TAPT1: variants seen among roughly 807,000 people sequenced by gnomAD.
TAPT1 encodes transmembrane anterior posterior transformation 1, also known as transmembrane anterior posterior transformation protein 1 homolog.
Under a neutral mutation model 65.6 loss-of-function variants are expected in TAPT1, and 28 were observed. The observed-to-expected ratio is 0.43, with a 90% CI of 0.32 to 0.59. The LOEUF is 0.59. Among genes scored for constraint, TAPT1 ranks in the 20% least tolerant of loss-of-function variants. The pLI is 0.09. For synonymous variants in TAPT1, 278 were observed against 245.2 expected, an observed-to-expected ratio of 1.13 and a Z score of -1.25; for missense variants, 563 against 679.9, an observed-to-expected ratio of 0.83 and a Z score of 1.91.
At chr4:16,190,877 T>C (rs1749334196) in intron 4 of TAPT1, 1 of 155,388 alleles carries the variant, frequency 6.4e-6, no homozygotes, top group Admixed American at 6.5e-5. Flanking sequence ...TATGTAAAGA[T>C]CTGAATTTAA....
chr4:16,186,895 G>GA lies in TAPT1; in HGVS notation c.749-18dup, dbSNP rs755358941. 7.9e-6 allele frequency: 12 copies of GA among 1,514,596 alleles called. No homozygotes were observed. The East Asian group carries it at 2.7e-4, about 34-fold the overall frequency. 93.8% of individuals were successfully genotyped at this position (1,514,596 alleles called of 1,614,324 possible). ...CATGCAAAACTAATAGAAGGTCAAG[G>GA]AAAAAACTTAAATTTGCTTTCATAT... On this transcript the variant is annotated splice_polypyrimidine_tract_variant and intron_variant, in intron 5 of 13. Coordinates refer to ENST00000405303, the MANE Select transcript of TAPT1 (RefSeq NM_153365.3).
chr4:16,201,632 C>T (rs755480067), intron 3 of TAPT1, among the ~76,000 whole-genome samples: 1 of 152,130 alleles, frequency 6.6e-6, no homozygotes, highest in Non-Finnish European at 1.5e-5. Flanking sequence ...AACCTCAAGA[C>T]CAATAAAGCA....
intron 4 of TAPT1, among the ~76,000 whole-genome samples, chr4:16,189,888 A>C (rs908521815): frequency 1.3e-5 from 2 of 152,194 alleles, no homozygotes; most frequent in Admixed American, 1.3e-4. Context: ...TGGAAAGCCT[A>C]CGAAGGAGAG....
intron 7 of TAPT1, among the ~76,000 whole-genome samples, chr4:16,184,388 G>A (rs1174910838): frequency 6.6e-6 from 1 of 152,094 alleles, no homozygotes; most frequent in African/African-American, 2.4e-5. Context: ...CTATGGTATG[G>A]ATATACAGTT....
At chr4:16,192,075 T>A (rs1749410281) in intron 3 of TAPT1, among the ~76,000 whole-genome samples, 1 of 152,214 alleles carries the variant, frequency 6.6e-6, no homozygotes, top group Non-Finnish European at 1.5e-5. Flanking sequence ...TTATGAGCCA[T>A]GATGCAATCT....
intron 1 of TAPT1, among the ~76,000 whole-genome samples, chr4:16,216,824 AG>A (rs1167212660): frequency 6.6e-6 from 1 of 152,140 alleles, no homozygotes; most frequent in Non-Finnish European, 1.5e-5. Flanking sequence ...CCTGGCAGCC[AG>A]TCAGCAGCTC....
Position 16,188,328 on chromosome 4 carries a change from C to A in TAPT1, c.640G>T (p.Gly214Ter). Residue 214 changes from glycine (G) to a stop codon, truncating the protein, a stop_gained, in exon 5 of 14, where the codon GGA becomes TGA. Coordinates refer to ENST00000405303, the MANE Select transcript of TAPT1 (RefSeq NM_153365.3). LOFTEE classifies it high-confidence loss of function. ...TAGAGAGCATCTAATATGTCTTGTC[C>A]AAAAGATGAAAACAGACGATCAGCT... ...EVADRLFSSFGQDILDALYWT... is the reference protein window; with the variant it reads ...EVADRLFSSF 1 of 1,593,144 alleles carries A rather than the reference C, an allele frequency of 6.3e-7. No homozygotes were observed.
intron 7 of TAPT1, among the ~76,000 whole-genome samples, chr4:16,182,353 T>C (rs1332768721): frequency 6.6e-6 from 1 of 152,212 alleles, no homozygotes; most frequent in East Asian, 1.9e-4. Context: ...GGGTTCGGAT[T>C]AGAACTGAAC....
At chr4:16,223,285 T>C (rs1336636657) in intron 1 of TAPT1, among the ~76,000 whole-genome samples, 1 of 152,206 alleles carries the variant, frequency 6.6e-6, no homozygotes, top group African/African-American at 2.4e-5. Context: ...CTCTCCTACC[T>C]AGGACTTCTG....
chr4:16,169,690 G>T (rs113997044), intron 12 of TAPT1, among the ~76,000 whole-genome samples: 2,226 of 152,332 alleles, frequency 0.015, 63 homozygotes, highest in African/African-American at 0.051. Context: ...TGGGAAGCAG[G>T]CTCACGACTC....
chr4:16,206,149 C>T (rs778547475), intron 2 of TAPT1, among the ~76,000 whole-genome samples: 8 of 152,172 alleles, frequency 5.3e-5, no homozygotes, highest in Non-Finnish European at 1.0e-4. Flanking sequence ...AAAATTCATG[C>T]CCCAGAAAGT....
chr4:16,170,286 G>GTGCTGAAC (rs1747907665), intron 12 of TAPT1, among the ~76,000 whole-genome samples: 1 of 152,186 alleles, frequency 6.6e-6, no homozygotes, highest in Non-Finnish European at 1.5e-5. Context: ...TGCCTACAGT[G>GTGCTGAAC]TGCTGAACAA....
At chr4:16,224,859 T>C (rs189758394) in intron 1 of TAPT1, among the ~76,000 whole-genome samples, 3 of 152,278 alleles carry the variant, frequency 2.0e-5, no homozygotes, top group Admixed American at 6.5e-5. Context: ...CTTCATTTCC[T>C]CTCCACGCAA....
In TAPT1 at chr4:16,206,073, T is replaced by A. The variant is rs75743718; in HGVS notation, c.331-3493A>T. ...ATAAGAAAACTATAAATGACTGACT[T>A]TGAAAGCAATTACTGCAGATTCAAG... On this transcript the variant is annotated intron_variant, in intron 2 of 13. Coordinates refer to ENST00000405303, the MANE Select transcript of TAPT1 (RefSeq NM_153365.3). Among the ~76,000 whole-genome samples, 60 of 152,312 alleles carry A rather than the reference T, an allele frequency of 3.9e-4. No individual in the cohort carries two copies. In the East Asian group the frequency reaches 0.011, roughly 28 times the overall value.
chr4:16,183,936 C>T (rs1222875748), intron 7 of TAPT1, among the ~76,000 whole-genome samples: 1 of 152,176 alleles, frequency 6.6e-6, no homozygotes, highest in Admixed American at 6.6e-5. Flanking sequence ...GCTTTATGTT[C>T]AAGTTTTCCA....
chr4:16,191,526 G>A lies in TAPT1; in HGVS notation c.450-3C>T, dbSNP rs754827234. Reference sequence around the variant, plus strand: ...CAGGCTGAAGCAAACGTCTGTCCCTGAAACATACAAGAAGTAATAAAAATA... The same window carrying A: ...CAGGCTGAAGCAAACGTCTGTCCCTAAAACATACAAGAAGTAATAAAAATA... On this transcript the variant is annotated splice_polypyrimidine_tract_variant and splice_region_variant and intron_variant, in intron 3 of 13. Coordinates refer to ENST00000405303, the MANE Select transcript of TAPT1 (RefSeq NM_153365.3). The A allele has an allele frequency of 9.0e-6, 14 of 1,553,350 alleles. No homozygotes were observed. Among genetic ancestry groups the A allele is most frequent in the Middle Eastern group, 1.7e-4 (1 of 6,002 alleles).
chr4:16,189,033 T>C (rs981872349), intron 4 of TAPT1, among the ~76,000 whole-genome samples: 2 of 152,212 alleles, frequency 1.3e-5, no homozygotes, highest in African/African-American at 4.8e-5. Flanking sequence ...TTTGACCTAC[T>C]CATATCTAAT....
At chr4:16,187,489 T>A (rs952363223) in intron 5 of TAPT1, among the ~76,000 whole-genome samples, 2 of 152,142 alleles carry the variant, frequency 1.3e-5, no homozygotes, top group Non-Finnish European at 1.5e-5. Context: ...GGTAACTGCT[T>A]TACTCCATTA....
intron 7 of TAPT1, among the ~76,000 whole-genome samples, chr4:16,185,150 G>C (rs772401608): frequency 1.4e-4 from 21 of 151,760 alleles, no homozygotes; most frequent in Non-Finnish European, 2.9e-5. Context: ...CAGGGAAGGG[G>C]CCAAAGTTCT....
Sources: gnomAD v4.1 joint callset for allele counts (sites outside exome capture counted in the v4.1 genomes callset) on GRCh38, gnomAD v4.1.1 for gene constraint, MANE v1.5 for transcripts, NCBI Gene and HGNC (gene_info 2026-07-23, HGNC 2026-07-21) for gene names.